The following COL9A3 variants were observed in gnomAD, a reference collection of about 807,000 sequenced individuals.
The protein encoded by COL9A3 is collagen type IX alpha 3 chain.
Under a neutral mutation model 110.2 loss-of-function variants are expected in COL9A3, and 82 were observed. The ratio of observed to expected loss-of-function variants is 0.74; its 90% CI spans 0.62 to 0.89. The LOEUF is 0.89. Among genes scored for constraint, COL9A3 ranks in the 40% least tolerant of loss-of-function variants. COL9A3 has a pLI of 0.00. For synonymous variants in COL9A3, 494 were observed against 403.8 expected (o/e 1.22, Z -2.68); for missense variants, 1,066 against 981.3 (o/e 1.09, Z -1.15).
rs139113312 is a variant in COL9A3 at position 62,834,930 on chromosome 20, C to T, written c.1369-991C>T. ...CTGGGATTACAGGCGTGAGCCACCT[C>T]GCCCAGCCCATTTAGTGAATTCTTA... On this transcript the variant is annotated intron_variant, in intron 26 of 31. Transcript: ENST00000649368. Among the ~76,000 whole-genome samples, 958 of 152,372 alleles carry T rather than the reference C, an allele frequency of 6.3e-3. 6 individuals carry two copies. The highest frequency in any genetic ancestry group is 0.021 in the African/African-American group (877 of 41,598).
Position 62,838,747 on chromosome 20 carries a change from A to C in COL9A3, c.1850A>C (p.Asp617Ala), listed in dbSNP as rs2063653614. The change falls in exon 31 of 32, where the codon GAC becomes GCC. Residue 617 changes from aspartate to alanine, a missense_variant. Coordinates refer to ENST00000649368, the MANE Select transcript of COL9A3 (RefSeq NM_001853.4). ...GCAGGGCTGGACGGGCCTGAAGGAG[A>C]CCAGGGGCCCCAAGGTACGAGTCCA... ...AGAGLDGPEG[D>A]QGPQGPQGVP... is the part of the protein sequence containing the mutation. The C allele has an allele frequency of 1.3e-6, 2 of 1,551,910 alleles. No individual in the cohort carries two copies. The highest frequency in any genetic ancestry group is 1.7e-6 in the Non-Finnish European group (2 of 1,147,122).
chr20:62,825,658 G>T (rs1430155767), intron 12 of COL9A3, 159 bp from the exon 13 acceptor site: 2 of 762,200 alleles, frequency 2.6e-6, no homozygotes, highest in Non-Finnish European at 4.6e-6. Flanking sequence ...GACTGCTCTG[G>T]AACTGTGGGC....
In COL9A3 at chr20:62,817,610, G is replaced by C. The variant is rs1008899967; in HGVS notation, c.122G>C (p.Gly41Ala). The change falls in exon 2 of 32, where the codon GGG becomes GCG. Residue 41 changes from glycine (G) to alanine (A), a missense_variant. Gly to Ala is a moderately conservative substitution (Grantham distance 60). Transcript: ENST00000649368. Reference protein sequence around the residue: ...PGPPGPPGPPGKPGQDGIDGE... With the variant: ...PGPPGPPGPPAKPGQDGIDGE... The stretch of plus-strand genomic sequence containing the variant: ...CCCCCCGGCCCCCCAGGGCCGCCCG[G>C]GAAGCCCGGCCAGGACGGCATTGAC... 11 of 1,547,098 alleles carry C rather than the reference G, an allele frequency of 7.1e-6. No homozygotes were observed. Among genetic ancestry groups the C allele is most frequent in the African/African-American group, 4.1e-5 (3 of 72,900 alleles).
rs1264979608 is a variant in COL9A3, at chr20:62,829,804, C to T, written c.1146C>T (p.Gly382=). 1.3e-6 allele frequency: 2 copies of T among 1,577,696 alleles called. No individual in the cohort carries two copies. The highest frequency in any genetic ancestry group is 1.3e-5 in the African/African-American group (1 of 74,496). Residue 382 remains glycine, a synonymous_variant, in exon 22 of 32, where the codon GGC becomes GGT. Coordinates refer to ENST00000649368, the MANE Select transcript of COL9A3 (RefSeq NM_001853.4). The part of the protein sequence containing the change: ...AGMPGERGEA[G]HRGSAGALGP... ...TGCCTGGGGAGCGCGGTGAGGCTGG[C>T]CACCGGGGCTCAGCGGTGAGTGCAG...
Position 62,836,350 on chromosome 20 carries a change from G to T in COL9A3, c.1548+17G>T, listed in dbSNP as rs1361513327. On this transcript the variant is annotated intron_variant, in intron 28 of 31. Coordinates refer to ENST00000649368, the MANE Select transcript of COL9A3 (RefSeq NM_001853.4). ...GGAGTTCCGGTACGTCGCTTTTCCG[G>T]CTTTTCCAGCTTTCACAGGGTTGAG... The T allele has an allele frequency of 1.9e-6, 3 of 1,613,762 alleles. No homozygotes were observed. In the Admixed American group the frequency reaches 5.0e-5, roughly 27 times the overall value.
intron 7 of COL9A3, 105 bp from the exon 8 acceptor site, chr20:62,821,652 C>A: frequency 6.5e-7 from 1 of 1,547,162 alleles, no homozygotes; most frequent in Non-Finnish European, 8.9e-7. Context: ...CTGACCACCC[C>A]ATACTTGGAG....
intron 6 of COL9A3, 24 bp downstream of exon 6, chr20:62,821,240 C>G: frequency 6.2e-7 from 1 of 1,610,994 alleles, no homozygotes; most frequent in Non-Finnish European, 8.5e-7. Flanking sequence ...GTGGTCCTCT[C>G]CTCTCCATGG....
At chr20:62,821,993 C>T (rs1188155698) in intron 8 of COL9A3, 118 bp from the exon 9 acceptor site, 3 of 811,086 alleles carry the variant, frequency 3.7e-6, no homozygotes, top group African/African-American at 3.4e-5. Flanking sequence ...GACACCAGCA[C>T]AGTCCGTGGG....
At chr20:62,824,234 C>T (rs1384704498) in intron 10 of COL9A3, among the ~76,000 whole-genome samples, 1 of 144,612 alleles carries the variant, frequency 6.9e-6, no homozygotes, top group Non-Finnish European at 1.5e-5. Context: ...GAGTGGCCTC[C>T]TGGGGTCCCA....
chr20:62,837,003 G>A, intron 29 of COL9A3, 80 bp from the exon 30 acceptor site: 2 of 1,539,758 alleles, frequency 1.3e-6, no homozygotes, highest in Non-Finnish European at 1.8e-6. Flanking sequence ...ACAGCACCGT[G>A]TAGATATTTT....
chr20:62,826,336 C>G, intron 14 of COL9A3, 79 bp downstream of exon 14: 1 of 1,326,782 alleles, frequency 7.5e-7, no homozygotes, highest in South Asian at 1.3e-5. Flanking sequence ...TTCAGATGGG[C>G]CCCGTGAGTG....
intron 16 of COL9A3, among the ~76,000 whole-genome samples, chr20:62,827,553 C>G (rs1010233506): frequency 6.6e-6 from 1 of 152,198 alleles, no homozygotes; most frequent in African/African-American, 2.4e-5. Flanking sequence ...GGACCAGGCT[C>G]CAGGGCTTGG....
chr20:62,823,831 G>A (rs144836406), intron 10 of COL9A3, among the ~76,000 whole-genome samples: 88 of 152,366 alleles, frequency 5.8e-4, no homozygotes, highest in African/African-American at 2.0e-3. Flanking sequence ...CTGCAGTGCC[G>A]GCCGGGACTG....
At chr20:62,829,949 CAGG>C in intron 22 of COL9A3, 130 bp downstream of exon 22, 4 of 1,259,816 alleles carry the variant, frequency 3.2e-6, no homozygotes, top group Non-Finnish European at 4.4e-6. Context: ...CCTAGGATGC[CAGG>C]AGGTGTGGGG....
At chr20:62,832,720 A>G in intron 25 of COL9A3, 1 of 351,176 alleles carries the variant, frequency 2.8e-6, no homozygotes. Context: ...TTCTAGGCAC[A>G]AGGCCTTTCC....
chr20:62,836,987 T>C, intron 29 of COL9A3, 96 bp from the exon 30 acceptor site: 1 of 1,488,972 alleles, frequency 6.7e-7, no homozygotes, highest in Non-Finnish European at 9.3e-7. Context: ...AACTTGCTTC[T>C]GGAAGACAGC....
At chr20:62,838,987 G>T (rs971457231) in intron 31 of COL9A3, among the ~76,000 whole-genome samples, 1 of 152,200 alleles carries the variant, frequency 6.6e-6, no homozygotes, top group African/African-American at 2.4e-5. Context: ...CACTTTGGGA[G>T]GCTGAGGCAG....
chr20:62,830,115 G>C (rs1364622118), intron 22 of COL9A3, among the ~76,000 whole-genome samples: 1 of 152,140 alleles, frequency 6.6e-6, no homozygotes, highest in Non-Finnish European at 1.5e-5. Context: ...GGGGAGCCAG[G>C]GGCATGGGTG....
At position 62,827,945 on chromosome 20, in the gene COL9A3, C is replaced by T; in HGVS notation, c.869C>T (p.Thr290Ile). Reference protein sequence around the residue: ...GDLGRPGPKGTPGVAGPSGEP... With the variant: ...GDLGRPGPKGIPGVAGPSGEP... ...TAGGGCAGACCTGGTCCCAAGGGAACCCCCGGAGTGGCCGGGCCAAGCGGA... is the reference window on the plus strand; with the variant it reads ...TAGGGCAGACCTGGTCCCAAGGGAATCCCCGGAGTGGCCGGGCCAAGCGGA... The change falls in exon 17 of 32, where the codon ACC (threonine) becomes ATC (isoleucine). Residue 290 changes from threonine to isoleucine, a missense_variant. Transcript: ENST00000649368. 6.2e-7 allele frequency: 1 copy of T among 1,612,912 alleles called. No individual in the cohort carries two copies. Among genetic ancestry groups the T allele is most frequent in the South Asian group, 1.1e-5 (1 of 91,088 alleles).
Sources: allele counts gnomAD v4.1 joint callset (sites outside exome capture counted in the v4.1 genomes callset), GRCh38; gene constraint gnomAD v4.1.1; transcripts MANE v1.5; gene names NCBI Gene and HGNC (gene_info 2026-07-23, HGNC 2026-07-21).